ATF7IP: variants seen among roughly 807,000 people sequenced by gnomAD.
The protein encoded by ATF7IP is activating transcription factor 7-interacting protein 1.
Under a neutral mutation model 106.4 loss-of-function variants are expected in ATF7IP, and 23 were observed. That is an observed-to-expected ratio of 0.22 (90% CI 0.16 to 0.31). ATF7IP has a LOEUF of 0.31. Among genes scored for constraint, ATF7IP ranks in the 10% least tolerant of loss-of-function variants. The pLI is 1.00. For missense variants in ATF7IP, 1,334 were observed against 1,524.3 expected (o/e 0.88, Z 2.08); for synonymous variants, 542 against 539.0 (o/e 1.01, Z -0.08).
Position 14,498,581 on chromosome 12 carries a change from C to T in ATF7IP, c.*508C>T, listed in dbSNP as rs1008479786. On this transcript the variant is annotated 3_prime_UTR_variant, in exon 15 of 15. Coordinates refer to ENST00000261168, the MANE Select transcript of ATF7IP (RefSeq NM_018179.5). The stretch of plus-strand genomic sequence containing the variant: ...CTAAATAGTTTAAAATAGGTTAATT[C>T]GAACACAGGAAAGGATCTATTTGTT... The T allele has an allele frequency of 2.1e-4, 32 of 152,892 alleles. No homozygotes were observed. The highest frequency in any genetic ancestry group is 2.2e-4 in the African/African-American group (9 of 41,394). 9.5% of individuals were successfully genotyped at this position (152,892 alleles called of 1,614,324 possible).
chr12:14,478,166 A>C, intron 11 of ATF7IP, 151 bp from the exon 12 acceptor site: 1 of 711,254 alleles, frequency 1.4e-6, no homozygotes, highest in Non-Finnish European at 2.3e-6. Flanking sequence ...ATCAGCAAAA[A>C]TACACGTAAG....
intron 9 of ATF7IP, 102 bp from the exon 10 acceptor site, chr12:14,466,424 G>C (rs879098681): frequency 3.3e-6 from 3 of 902,146 alleles, no homozygotes; most frequent in African/African-American, 3.4e-5. Flanking sequence ...ACATGTTGAC[G>C]GAAAAGTAGT....
At position 14,453,983 on chromosome 12, in the gene ATF7IP, T is replaced by C. The variant is rs145213208; in HGVS notation, c.1996-2578T>C. Among the ~76,000 whole-genome samples the C allele has an allele frequency of 3.6e-3, 550 of 152,290 alleles. 2 individuals carry two copies. Among genetic ancestry groups the C allele is most frequent in the Non-Finnish European group, 5.0e-3 (343 of 68,014 alleles). On this transcript the variant is annotated intron_variant, in intron 6 of 14. Coordinates refer to ENST00000261168, the MANE Select transcript of ATF7IP (RefSeq NM_018179.5). ...TGGCAGATAATTCATAGCTCTCTGT[T>C]ACTTTAGGGTTGGTTTTTGGAGATT...
chr12:14,427,402 G>T (rs1941911431), intron 2 of ATF7IP, among the ~76,000 whole-genome samples: 1 of 150,064 alleles, frequency 6.7e-6, no homozygotes, highest in South Asian at 2.1e-4. Flanking sequence ...TCGCTCTGTT[G>T]CCCCGGCTGG....
chr12:14,371,306 A>G (rs1938524155), intron 1 of ATF7IP, among the ~76,000 whole-genome samples: 1 of 152,128 alleles, frequency 6.6e-6, no homozygotes, highest in South Asian at 2.1e-4. Flanking sequence ...TGGCTTTATG[A>G]AAATAAATCT....
chr12:14,481,367 T>TG (rs1181267866), intron 13 of ATF7IP, 182 bp downstream of exon 13: 1 of 620,660 alleles, frequency 1.6e-6, no homozygotes, highest in Non-Finnish European at 2.8e-6. Context: ...TTAAAATCAA[T>TG]GTAGTATATT....
chr12:14,462,407 A>G (rs918829552), intron 9 of ATF7IP, among the ~76,000 whole-genome samples: 1 of 151,896 alleles, frequency 6.6e-6, no homozygotes, highest in African/African-American at 2.4e-5. Context: ...TTAATGTCAG[A>G]TCATTTAGTG....
At chr12:14,377,812 C>A (rs1938816770) in intron 1 of ATF7IP, among the ~76,000 whole-genome samples, 1 of 151,704 alleles carries the variant, frequency 6.6e-6, no homozygotes, top group Admixed American at 6.6e-5. Flanking sequence ...CAGGGTTTCA[C>A]CATGTTGGTC....
chr12:14,496,184 A>G, intron 13 of ATF7IP, 47 bp from the exon 14 acceptor site: 3 of 1,217,336 alleles, frequency 2.5e-6, no homozygotes, highest in Non-Finnish European at 1.2e-6. Flanking sequence ...CACCAAATTT[A>G]CAATAGAATT....
chr12:14,466,470 A>T, intron 9 of ATF7IP, 56 bp from the exon 10 acceptor site: 1 of 1,404,192 alleles, frequency 7.1e-7, no homozygotes, highest in East Asian at 2.3e-5. Flanking sequence ...ATATAAAGCA[A>T]CTTAACTTTT....
At chr12:14,416,832 C>A in intron 1 of ATF7IP, 2 of 848,026 alleles carry the variant, frequency 2.4e-6, no homozygotes, top group South Asian at 5.4e-5. Context: ...TTGAGCCAAT[C>A]AGACAGTGAA....
intron 1 of ATF7IP, among the ~76,000 whole-genome samples, chr12:14,398,045 TTAA>T (rs1390285994): frequency 6.6e-6 from 1 of 152,186 alleles, no homozygotes; most frequent in Non-Finnish European, 1.5e-5. Flanking sequence ...TTATGTTTTC[TTAA>T]TAATTTCTCA....
chr12:14,430,427 G>T (rs774675704), intron 2 of ATF7IP, among the ~76,000 whole-genome samples: 1 of 152,134 alleles, frequency 6.6e-6, no homozygotes, highest in African/African-American at 2.4e-5. Context: ...GACTTTCCCC[G>T]CTAGGTTTTG....
chr12:14,414,183 A>G (rs1941073500), intron 1 of ATF7IP, among the ~76,000 whole-genome samples: 3 of 152,210 alleles, frequency 2.0e-5, no homozygotes, highest in African/African-American at 7.2e-5. Context: ...AGTTTGCATG[A>G]TATTTTATAA....
At chr12:14,401,971 A>C (rs7957809) in intron 1 of ATF7IP, among the ~76,000 whole-genome samples, 7,739 of 150,888 alleles carry the variant, frequency 0.051, 674 homozygotes, top group African/African-American at 0.18. Flanking sequence ...CTCGGCCTCC[A>C]AAAGTGCTGG....
chr12:14,438,491 G>A (rs1263710767), intron 5 of ATF7IP, among the ~76,000 whole-genome samples: 2 of 152,214 alleles, frequency 1.3e-5, no homozygotes, highest in Non-Finnish European at 2.9e-5. Flanking sequence ...GCTAGAAGTT[G>A]AAGATCAAGG....
chr12:14,497,049 A>G (rs1340144947), intron 14 of ATF7IP, among the ~76,000 whole-genome samples: 1 of 152,166 alleles, frequency 6.6e-6, no homozygotes, highest in Non-Finnish European at 1.5e-5. Context: ...TTTACTGTCC[A>G]CATGCCTTTG....
At chr12:14,380,288 T>G (rs1938947168) in intron 1 of ATF7IP, among the ~76,000 whole-genome samples, 1 of 146,250 alleles carries the variant, frequency 6.8e-6, no homozygotes, top group Non-Finnish European at 1.6e-5. Context: ...TTTCTTTTGG[T>G]CTCTGTCATG....
rs963829772 is a variant in ATF7IP, at chr12:14,399,981, G to A, written c.-7-23928G>A. The stretch of plus-strand genomic sequence containing the variant: ...GGGATGGTAGCCTCCATGTCTCTCC[G>A]GGGACATAGTGTCTATATAAGTTAC... On this transcript the variant is annotated intron_variant, in intron 1 of 14. Transcript: ENST00000261168. Among the ~76,000 whole-genome samples the A allele has an allele frequency of 3.3e-5, 5 of 151,950 alleles. No individual in the cohort carries two copies. The South Asian group carries it at 6.2e-4, about 19-fold the overall frequency.
Sources: gnomAD v4.1 joint callset for allele counts (sites outside exome capture counted in the v4.1 genomes callset) on GRCh38, gnomAD v4.1.1 for gene constraint, MANE v1.5 for transcripts, NCBI Gene and HGNC (gene_info 2026-07-23, HGNC 2026-07-21) for gene names.